Variants in FBXW7 observed in about 807,000 individuals in gnomAD.
FBXW7 encodes the protein F-box and WD repeat domain containing 7.
FBXW7 carries 11 observed loss-of-function variants against 86.3 expected under a neutral mutation model. That is an observed-to-expected ratio of 0.13 (90% confidence interval 0.08 to 0.21). The LOEUF (loss-of-function observed/expected upper bound fraction) is 0.21. Among genes scored for constraint, FBXW7 ranks in the 10% least tolerant of loss-of-function variants. The pLI is 1.00. For missense variants in FBXW7, 488 were observed against 847.4 expected (o/e 0.58, Z 5.27); for synonymous variants, 313 against 297.9 (o/e 1.05, Z -0.52).
At chr4:152,329,460 A>C (rs1729352419) in intron 10 of FBXW7, among the ~76,000 whole-genome samples, 1 of 151,942 alleles carries the variant, frequency 6.6e-6, no homozygotes. Flanking sequence ...AATGAAAAAA[A>C]ATTAATGAAA....
intron 2 of FBXW7, among the ~76,000 whole-genome samples, chr4:152,527,030 C>G (rs1412060974): frequency 6.6e-6 from 1 of 152,198 alleles, no homozygotes; most frequent in African/African-American, 2.4e-5. Flanking sequence ...CTACAACACA[C>G]TTTAAAACAA....
intron 4 of FBXW7, among the ~76,000 whole-genome samples, chr4:152,373,527 C>G (rs527580699): frequency 6.6e-6 from 1 of 151,844 alleles, no homozygotes; most frequent in Non-Finnish European, 1.5e-5. Context: ...AATAAATTGA[C>G]GGCAAGATGT....
chr4:152,336,179 C>T (rs960192821), intron 7 of FBXW7, among the ~76,000 whole-genome samples: 1 of 151,974 alleles, frequency 6.6e-6, no homozygotes, highest in Non-Finnish European at 1.5e-5. Flanking sequence ...AGATGATATG[C>T]TAAACCAAGG....
At chr4:152,425,383 G>GGTTTT (rs1739289505) in intron 2 of FBXW7, among the ~76,000 whole-genome samples, 1 of 152,038 alleles carries the variant, frequency 6.6e-6, no homozygotes, top group Admixed American at 6.6e-5. Flanking sequence ...CCGTTTGTAA[G>GGTTTT]GTTTTGTTTT....
At chr4:152,507,255 T>G (rs1344054064) in intron 2 of FBXW7, among the ~76,000 whole-genome samples, 1 of 152,172 alleles carries the variant, frequency 6.6e-6, no homozygotes, top group Non-Finnish European at 1.5e-5. Flanking sequence ...GTCAAGATTT[T>G]TCTTTTAAAA....
At chr4:152,390,657 A>C (rs992764049) in intron 4 of FBXW7, among the ~76,000 whole-genome samples, 5 of 152,112 alleles carry the variant, frequency 3.3e-5, no homozygotes, top group Non-Finnish European at 7.4e-5. Flanking sequence ...GTCAGTACTT[A>C]AGTCCATAAA....
chr4:152,411,396 T>G lies in FBXW7; in HGVS notation c.408A>C (p.Glu136Asp), dbSNP rs777791851. 2 of 1,613,626 alleles carry G rather than the reference T, an allele frequency of 1.2e-6. No individual in the cohort carries two copies. The highest frequency in any genetic ancestry group is 2.2e-5 in the South Asian group (2 of 91,046). ...DQSDDSSRED[E>D]HTHTNSVTNS... ...TCGTGACACTGTTAGTATGTGTATG[T>G]TCATCTTCTCTGCTACTATCATCAG... The change falls in exon 4 of 14, where the codon GAA (glutamate) becomes GAC (aspartate). Residue 136 changes from glutamate to aspartate, a missense_variant. Coordinates refer to ENST00000281708, the MANE Select transcript of FBXW7 (RefSeq NM_001349798.2).
chr4:152,327,991 A>G (rs1478730214), intron 11 of FBXW7, among the ~76,000 whole-genome samples: 1 of 151,984 alleles, frequency 6.6e-6, no homozygotes, highest in Non-Finnish European at 1.5e-5. Context: ...TCAAACAGGA[A>G]GCTGACAACA....
chr4:152,323,937 G>A, intron 13 of FBXW7: 1 of 437,140 alleles, frequency 2.3e-6, no homozygotes, highest in East Asian at 4.2e-5. Flanking sequence ...GTTCTTAAAG[G>A]TTAAGTAGAG....
chr4:152,395,380 A>G (rs1036401824), intron 4 of FBXW7, among the ~76,000 whole-genome samples: 3 of 152,022 alleles, frequency 2.0e-5, no homozygotes, highest in African/African-American at 7.2e-5. Context: ...CCAACTCATC[A>G]TAACTCAATC....
chr4:152,328,897 A>T (rs1001360004), intron 10 of FBXW7: 1 of 152,024 alleles, frequency 6.6e-6, no homozygotes, highest in African/African-American at 2.4e-5. Context: ...CCAAACTAAT[A>T]TTACACTATG....
At chr4:152,327,032 C>G (rs141038507) in intron 11 of FBXW7, among the ~76,000 whole-genome samples, 1 of 152,084 alleles carries the variant, frequency 6.6e-6, no homozygotes, top group Admixed American at 6.6e-5. Context: ...TATACAAATA[C>G]TGTAATCACT....
chr4:152,522,469 T>C (rs1749112135), intron 2 of FBXW7, among the ~76,000 whole-genome samples: 1 of 152,236 alleles, frequency 6.6e-6, no homozygotes, highest in Non-Finnish European at 1.5e-5. Flanking sequence ...TCAGCATGTA[T>C]ACAGAATCTA....
At chr4:152,351,781 G>A (rs1300805885) in intron 4 of FBXW7, among the ~76,000 whole-genome samples, 1 of 152,020 alleles carries the variant, frequency 6.6e-6, no homozygotes, top group Middle Eastern at 3.2e-3. Flanking sequence ...AGGATACCTT[G>A]TAAAAAACAT....
At chr4:152,502,819 A>C (rs1026293313) in intron 2 of FBXW7, among the ~76,000 whole-genome samples, 1 of 152,188 alleles carries the variant, frequency 6.6e-6, no homozygotes, top group African/African-American at 2.4e-5. Flanking sequence ...AAAGTTTTAC[A>C]AGTAAAGTAG....
chr4:152,508,733 C>G (rs1747680719), intron 2 of FBXW7, among the ~76,000 whole-genome samples: 1 of 150,982 alleles, frequency 6.6e-6, no homozygotes, highest in African/African-American at 2.4e-5. Context: ...TTACCTGGTC[C>G]CAAAGTACTT....
rs1301832553 is a variant in FBXW7, at chr4:152,322,794, CT to C, written c.*86del. ...ACCACTGAGAACAAGGGATTTTTTTCTTTTTCTTTTCTTTTTTTCTTTTTGC... is the reference window on the plus strand; with the variant it reads ...ACCACTGAGAACAAGGGATTTTTTTCTTTTCTTTTCTTTTTTTCTTTTTGC... On this transcript the variant is annotated 3_prime_UTR_variant, in exon 14 of 14. Transcript: ENST00000281708. The C allele has an allele frequency of 2.1e-5, 33 of 1,551,298 alleles. No individual in the cohort carries two copies. The East Asian group carries it at 3.2e-4, about 15-fold the overall frequency.
At chr4:152,404,466 G>A (rs1378167701) in intron 4 of FBXW7, among the ~76,000 whole-genome samples, 1 of 152,054 alleles carries the variant, frequency 6.6e-6, no homozygotes, top group African/African-American at 2.4e-5. Flanking sequence ...TATATATGTA[G>A]ATACATACAC....
At chr4:152,429,765 A>T (rs1739727074) in intron 2 of FBXW7, among the ~76,000 whole-genome samples, 1 of 152,210 alleles carries the variant, frequency 6.6e-6, no homozygotes, top group African/African-American at 2.4e-5. Flanking sequence ...GGATTAAATG[A>T]ATATGCAGTC....
Sources: allele counts gnomAD v4.1 joint callset (sites outside exome capture counted in the v4.1 genomes callset), GRCh38; gene constraint gnomAD v4.1.1; transcripts MANE v1.5; gene names NCBI Gene and HGNC (gene_info 2026-07-23, HGNC 2026-07-21).